The following LMNB1 variants were observed in gnomAD, a reference collection of about 807,000 sequenced individuals.
LMNB1 encodes lamin B1, also known as lamin-B1.
LMNB1 carries 23 observed loss-of-function variants against 67.1 expected under a neutral mutation model. The ratio of observed to expected loss-of-function variants is 0.34; its 90% CI spans 0.25 to 0.49. The LOEUF (loss-of-function observed/expected upper bound fraction) is 0.49, where lower values mean the gene tolerates loss of function less well. Ranked by LOEUF, LMNB1 falls within the 20% of genes least tolerant of loss-of-function variation. The pLI, the probability that LMNB1 is intolerant of heterozygous loss-of-function variation, is 0.99. For missense variants in LMNB1, 634 were observed against 746.5 expected, an observed-to-expected ratio of 0.85 and a Z score of 1.76; for synonymous variants, 281 against 282.9, an observed-to-expected ratio of 0.99 and a Z score of 0.07.
chr5:126,785,457 AT>A (rs1008441146), intron 1 of LMNB1, among the ~76,000 whole-genome samples: 23 of 145,868 alleles, frequency 1.6e-4, no homozygotes, highest in African/African-American at 3.5e-4. Context: ...ACGTCGGCTA[AT>A]TTTTTTTTTC....
At position 126,778,662 on chromosome 5, in the gene LMNB1, C is replaced by G. The variant is rs891121273; in HGVS notation, c.359+795C>G. On this transcript the variant is annotated intron_variant, in intron 1 of 10. Transcript: ENST00000261366. Reference sequence around the variant, plus strand: ...AAAGCTGGGTTTGTGCATGTCACGGCTACCGTTCTTAGAATTGCGGTTCTC... The same window carrying G: ...AAAGCTGGGTTTGTGCATGTCACGGGTACCGTTCTTAGAATTGCGGTTCTC... Among the ~76,000 whole-genome samples the G allele has an allele frequency of 3.3e-5, 5 of 152,308 alleles. No homozygotes were observed. The South Asian group carries it at 1.0e-3, about 32-fold the overall frequency.
intron 5 of LMNB1, among the ~76,000 whole-genome samples, chr5:126,812,331 C>G (rs1323600108): frequency 1.3e-5 from 2 of 152,272 alleles, no homozygotes; most frequent in Middle Eastern, 3.4e-3. Flanking sequence ...TAGACAAATT[C>G]TTTAGTGCTT....
intron 1 of LMNB1, among the ~76,000 whole-genome samples, chr5:126,778,542 A>T (rs1359536822): frequency 6.6e-6 from 1 of 152,154 alleles, no homozygotes; most frequent in African/African-American, 2.4e-5. Flanking sequence ...GCCCCGGGCA[A>T]GTTAGGTTTG....
chr5:126,836,172 A>C, intron 10 of LMNB1, 51 bp from the exon 11 acceptor site: 1 of 1,391,824 alleles, frequency 7.2e-7, no homozygotes, highest in Non-Finnish European at 1.0e-6. Context: ...ATTTTAGAAT[A>C]CTGTGATCTA....
intron 1 of LMNB1, among the ~76,000 whole-genome samples, chr5:126,781,958 A>C (rs897112053): frequency 6.6e-6 from 1 of 152,224 alleles, no homozygotes; most frequent in Non-Finnish European, 1.5e-5. Context: ...GTCTGAATCC[A>C]TAGAAAACAG....
chr5:126,827,589 A>G (rs1752025502), intron 9 of LMNB1, among the ~76,000 whole-genome samples: 1 of 152,134 alleles, frequency 6.6e-6, no homozygotes, highest in Admixed American at 6.6e-5. Context: ...TGAACTCGGG[A>G]TGAGCTGAGA....
chr5:126,788,253 T>C (rs1450224016), intron 1 of LMNB1, among the ~76,000 whole-genome samples: 2 of 152,140 alleles, frequency 1.3e-5, no homozygotes, highest in Non-Finnish European at 2.9e-5. Context: ...GCAATGTTAG[T>C]TGGCAATTTG....
At chr5:126,777,920 C>G in intron 1 of LMNB1, 53 bp downstream of exon 1, 1 of 1,375,150 alleles carries the variant, frequency 7.3e-7, no homozygotes, top group Non-Finnish European at 9.4e-7. Context: ...GGGGCGCAAC[C>G]GCGGCGACCA....
At position 126,777,821 on chromosome 5, in the gene LMNB1, A is replaced by C. The variant is rs2112912247; in HGVS notation, c.313A>C (p.Ile105Leu). The C allele has an allele frequency of 1.3e-6, 2 of 1,484,362 alleles. No homozygotes were observed. The allele number at this position is 1,484,362 out of a possible 1,614,324, so 91.9% of individuals were successfully genotyped here. A position where few individuals can be genotyped will look rare whatever the true frequency, so the allele number is the denominator to read the frequency against. ...GGCCCGCGAGCGCGCCAAGCTGCAG[A>C]TCGAGCTGGGCAAGTGCAAGGCGGA... ...DTARERAKLQIELGKCKAEHD... is the reference protein window; with the variant it reads ...DTARERAKLQLELGKCKAEHD... The change falls in exon 1 of 11, where the codon ATC (isoleucine) becomes CTC (leucine). Residue 105 changes from isoleucine (I) to leucine (L), a missense_variant. By Grantham distance (5) the Ile-to-Leu change is conservative. Coordinates refer to ENST00000261366, the MANE Select transcript of LMNB1 (RefSeq NM_005573.4).
chr5:126,795,949 T>TTTTTTTTTTTTG (rs1751079121), intron 1 of LMNB1, among the ~76,000 whole-genome samples: 7 of 145,302 alleles, frequency 4.8e-5, no homozygotes, highest in Admixed American at 7.0e-5. Context: ...TTTTTTTTTT[T>TTTTTTTTTTTTG]GAGACGGAGT....
intron 6 of LMNB1, 71 bp from the exon 7 acceptor site, chr5:126,820,839 G>GTT (rs34618438): frequency 1.0e-3 from 1,065 of 1,046,098 alleles, no homozygotes; most frequent in Non-Finnish European, 1.2e-3. Flanking sequence ...TTGTTTTTTT[G>GTT]TTTTTTTTTT....
chr5:126,836,106 C>T (rs1752242205), intron 10 of LMNB1, 117 bp from the exon 11 acceptor site: 1 of 724,900 alleles, frequency 1.4e-6, no homozygotes, highest in Non-Finnish European at 2.4e-6. Context: ...GATAAAGGGT[C>T]CATTTGAGGT....
intron 1 of LMNB1, among the ~76,000 whole-genome samples, chr5:126,801,419 T>C (rs1264226923): frequency 1.3e-5 from 2 of 152,124 alleles, no homozygotes; most frequent in Non-Finnish European, 2.9e-5. Flanking sequence ...CACAAGTAAA[T>C]ACTCTCTTCA....
intron 3 of LMNB1, among the ~76,000 whole-genome samples, chr5:126,806,582 C>A (rs555788561): frequency 1.3e-5 from 2 of 151,996 alleles, no homozygotes; most frequent in African/African-American, 2.4e-5. Context: ...ATATGGCCCC[C>A]CTAAGGGTCA....
At chr5:126,808,620 TAGC>T (rs1423857083) in intron 3 of LMNB1, among the ~76,000 whole-genome samples, 2 of 152,058 alleles carry the variant, frequency 1.3e-5, no homozygotes, top group African/African-American at 4.8e-5. Flanking sequence ...AACAAACCAT[TAGC>T]AGTCACTCTT....
In LMNB1 at chr5:126,826,027, A is replaced by G. The variant is rs370881377; in HGVS notation, c.1531A>G (p.Thr511Ala). The change falls in exon 9 of 11, where the codon ACT becomes GCT. Residue 511 changes from threonine to alanine, a missense_variant. Coordinates refer to ENST00000261366, the MANE Select transcript of LMNB1 (RefSeq NM_005573.4). ...CGCTGGTGTCACAGCCAGCCCCCCA[A>G]CTGACCTCATCTGGAAGAACCAGAA... ...ANAGVTASPPTDLIWKNQNSW... is the reference protein window; with the variant it reads ...ANAGVTASPPADLIWKNQNSW... 15 of 1,613,908 alleles carry G rather than the reference A, an allele frequency of 9.3e-6. No individual in the cohort carries two copies. The highest frequency in any genetic ancestry group is 2.2e-5 in the East Asian group (1 of 44,888).
At chr5:126,789,080 G>A (rs1278301259) in intron 1 of LMNB1, among the ~76,000 whole-genome samples, 1 of 151,846 alleles carries the variant, frequency 6.6e-6, no homozygotes, top group African/African-American at 2.4e-5. Flanking sequence ...TGGGGAGAGG[G>A]TTTTGCCATG....
At chr5:126,807,869 T>C (rs1751486526) in intron 3 of LMNB1, among the ~76,000 whole-genome samples, 2 of 152,150 alleles carry the variant, frequency 1.3e-5, no homozygotes, top group African/African-American at 4.8e-5. Flanking sequence ...TTTTTGTTTT[T>C]GTTTTTTTTA....
At chr5:126,804,629 A>C in intron 1 of LMNB1, 147 bp from the exon 2 acceptor site, 1 of 615,470 alleles carries the variant, frequency 1.6e-6, no homozygotes, top group South Asian at 2.4e-5. Context: ...CTCTAGATCC[A>C]GTGCTTGTGA....
Sources: gnomAD v4.1 joint callset for allele counts (sites outside exome capture counted in the v4.1 genomes callset) on GRCh38, gnomAD v4.1.1 for gene constraint, MANE v1.5 for transcripts, NCBI Gene and HGNC (gene_info 2026-07-23, HGNC 2026-07-21) for gene names.